Variants in LARP1B observed in about 807,000 individuals in gnomAD.
LARP1B encodes La ribonucleoprotein 1B, also known as la-related protein 1B.
LARP1B carries 76 observed loss-of-function variants against 114.2 expected under a neutral mutation model. That is an observed-to-expected ratio of 0.67 (90% CI 0.55 to 0.81). The LOEUF is 0.81. Among genes scored for constraint, LARP1B ranks in the 30% least tolerant of loss-of-function variants. LARP1B has a pLI of 0.00. For synonymous variants in LARP1B, 345 were observed against 348.0 expected, an observed-to-expected ratio of 0.99 and a Z score of 0.10; for missense variants, 1,014 against 1,075.8, an observed-to-expected ratio of 0.94 and a Z score of 0.80.
At chr4:128,095,835 C>G (rs971354909) in intron 7 of LARP1B, among the ~76,000 whole-genome samples, 1 of 152,002 alleles carries the variant, frequency 6.6e-6, no homozygotes, top group East Asian at 1.9e-4. Context: ...AAAACTTTCT[C>G]TGTGATTTGG....
intron 6 of LARP1B, chr4:128,220,219 C>A: frequency 5.8e-6 from 1 of 171,630 alleles, no homozygotes; most frequent in Non-Finnish European, 1.2e-5. Flanking sequence ...TAGTTTGGAA[C>A]TCCACTCTGA....
chr4:128,183,385 TCTA>T (rs1016234445), intron 15 of LARP1B, among the ~76,000 whole-genome samples: 1 of 152,212 alleles, frequency 6.6e-6, no homozygotes, highest in African/African-American at 2.4e-5. Context: ...TTATGCTGAA[TCTA>T]CTAATCTGCT....
chr4:128,148,440 A>C (rs964582260), intron 11 of LARP1B, among the ~76,000 whole-genome samples: 12 of 152,058 alleles, frequency 7.9e-5, no homozygotes, highest in African/African-American at 2.9e-4. Flanking sequence ...CTGTCTCAAA[A>C]AAAAAAAAGC....
At chr4:128,174,904 T>G (rs993467042) in intron 12 of LARP1B, among the ~76,000 whole-genome samples, 1 of 152,134 alleles carries the variant, frequency 6.6e-6, no homozygotes, top group Non-Finnish European at 1.5e-5. Context: ...CTACCCAGTA[T>G]ATGTTTAGTT....
intron 5 of LARP1B, among the ~76,000 whole-genome samples, chr4:128,084,635 G>C (rs1461957564): frequency 6.6e-6 from 1 of 151,890 alleles, no homozygotes; most frequent in East Asian, 1.9e-4. Flanking sequence ...GAGAGGGGAG[G>C]GGGAGAGGGA....
intron 8 of LARP1B, among the ~76,000 whole-genome samples, chr4:128,102,617 T>C (rs1037233852): frequency 1.1e-4 from 16 of 152,310 alleles, no homozygotes; most frequent in African/African-American, 3.6e-4. Context: ...TTGAATCTGA[T>C]TCTTCTCCGC....
chr4:128,122,084 G>A lies in LARP1B; in HGVS notation c.1420G>A (p.Ala474Thr), dbSNP rs868352605. Residue 474 changes from alanine (A) to threonine (T), a missense_variant, in exon 11 of 20, where the codon GCA becomes ACA. Physicochemically the swap from Ala to Thr is moderately conservative, Grantham distance 58 (BLOSUM62 0). Transcript: ENST00000326639. Reference sequence around the variant, plus strand: ...TCGAACAGGCACCCACATGTCTCGGGCAAAAATCACATCTGAACTTGCTAA... The same window carrying A: ...TCGAACAGGCACCCACATGTCTCGGACAAAAATCACATCTGAACTTGCTAA... ...GDRTGTHMSR[A>T]KITSELAKVI... The A allele has an allele frequency of 3.7e-6, 6 of 1,613,942 alleles. No individual in the cohort carries two copies. The highest frequency in any genetic ancestry group is 1.7e-5 in the Admixed American group (1 of 59,996).
intron 15 of LARP1B, among the ~76,000 whole-genome samples, chr4:128,179,913 CT>C (rs1164437591): frequency 1.3e-5 from 2 of 151,894 alleles, no homozygotes; most frequent in African/African-American, 4.8e-5. Flanking sequence ...TGTTATTTTG[CT>C]TTTTTCCCCC....
At position 128,210,178 on chromosome 4, in the gene LARP1B, G is replaced by A; in HGVS notation, c.*125G>A. On this transcript the variant is annotated 3_prime_UTR_variant, in exon 20 of 20. Transcript: ENST00000326639. ...GTATTTATTTGGGGAAAATCTTCTG[G>A]TGTTTAATTGTGATAATAAGAAAGA... is the stretch of plus-strand genomic sequence containing the variant. The A allele has an allele frequency of 2.7e-6, 4 of 1,486,924 alleles. No individual in the cohort carries two copies. Among genetic ancestry groups the A allele is most frequent in the Non-Finnish European group, 3.6e-6 (4 of 1,119,900 alleles). The allele number at this position is 1,486,924 out of a possible 1,614,324, so 92.1% of individuals were successfully genotyped here. A position where few individuals can be genotyped will look rare whatever the true frequency, so the allele number is the denominator to read the frequency against.
At chr4:128,086,009 C>CTTTTTTTTTTT (rs143345158) in intron 5 of LARP1B, among the ~76,000 whole-genome samples, 1 of 91,272 alleles carries the variant, frequency 1.1e-5, no homozygotes, top group Non-Finnish European at 2.1e-5. Flanking sequence ...TCATGGTATT[C>CTTTTTTTTTTT]TTTTTTTTTT....
Position 128,176,914 on chromosome 4 carries a change from T to A in LARP1B, c.1684+7T>A. On this transcript the variant is annotated splice_region_variant and intron_variant, in intron 13 of 19. Transcript: ENST00000326639. ...CTTCACATTCCCAAGAAAGGTAACA[T>A]CTGTGGTGGGTATTAAAGGGAGGCT... 2 of 1,613,344 alleles carry A rather than the reference T, an allele frequency of 1.2e-6. No homozygotes were observed. Among genetic ancestry groups the A allele is most frequent in the Non-Finnish European group, 1.7e-6 (2 of 1,179,326 alleles).
intron 9 of LARP1B, 106 bp downstream of exon 9, chr4:128,107,419 A>G: frequency 2.0e-6 from 3 of 1,526,444 alleles, no homozygotes. Flanking sequence ...TAGGAAAATT[A>G]AAGCTAACTG....
chr4:128,078,140 C>A lies in LARP1B; in HGVS notation c.217+178C>A, dbSNP rs553906761. On this transcript the variant is annotated intron_variant, in intron 4 of 19. Transcript: ENST00000326639. ...TAACATTTCTGAACTATTAGACTTT[C>A]CTTTTTGTATGTAACTTGTATTCTA... is the stretch of plus-strand genomic sequence containing the variant. Among the ~76,000 whole-genome samples the A allele has an allele frequency of 5.5e-4, 84 of 152,180 alleles. 1 individual carries two copies. Among genetic ancestry groups the A allele is most frequent in the Non-Finnish European group, 9.7e-4 (66 of 67,996 alleles).
At chr4:128,205,796 C>T (rs1011997006) in intron 17 of LARP1B, among the ~76,000 whole-genome samples, 29 of 152,120 alleles carry the variant, frequency 1.9e-4, no homozygotes, top group African/African-American at 7.0e-4. Context: ...TAACACATCC[C>T]CAATTTATCA....
At chr4:128,158,822 T>C (rs1737016700) in intron 11 of LARP1B, among the ~76,000 whole-genome samples, 1 of 152,094 alleles carries the variant, frequency 6.6e-6, no homozygotes, top group Non-Finnish European at 1.5e-5. Context: ...CTGTGTACCG[T>C]CACTTCCCTT....
chr4:128,062,173 A>G, intron 1 of LARP1B: 1 of 985,284 alleles, frequency 1.0e-6, no homozygotes, highest in African/African-American at 1.7e-5. Flanking sequence ...ACCTGTCCCC[A>G]GACACGACAG....
At chr4:128,166,614 C>A (rs1401261493) in intron 12 of LARP1B, among the ~76,000 whole-genome samples, 1 of 151,592 alleles carries the variant, frequency 6.6e-6, no homozygotes, top group Admixed American at 6.6e-5. Context: ...AGCAAAAATA[C>A]CAAATATAAT....
rs1308178861 is a variant in LARP1B, at chr4:128,210,178, G to GTGTT, written c.*127_*130dup. ...GTATTTATTTGGGGAAAATCTTCTG[G>GTGTT]TGTTTAATTGTGATAATAAGAAAGA... On this transcript the variant is annotated 3_prime_UTR_variant, in exon 20 of 20. Transcript: ENST00000326639. 7 of 1,486,806 alleles carry GTGTT rather than the reference G, an allele frequency of 4.7e-6. No homozygotes were observed. Among genetic ancestry groups the GTGTT allele is most frequent in the Non-Finnish European group, 6.3e-6 (7 of 1,119,908 alleles). 92.1% of individuals were successfully genotyped at this position (1,486,806 alleles called of 1,614,324 possible). A position where few individuals can be genotyped will look rare whatever the true frequency, so the allele number is the denominator to read the frequency against.
chr4:128,188,294 C>T (rs776860111), intron 15 of LARP1B, among the ~76,000 whole-genome samples: 1 of 152,016 alleles, frequency 6.6e-6, no homozygotes, highest in African/African-American at 2.4e-5. Flanking sequence ...AGGCTGGTCT[C>T]GAACTCCCAA....
Sources: allele counts gnomAD v4.1 joint callset (sites outside exome capture counted in the v4.1 genomes callset), GRCh38; gene constraint gnomAD v4.1.1; transcripts MANE v1.5; gene names NCBI Gene and HGNC (gene_info 2026-07-23, HGNC 2026-07-21).